PFKFB3: variants seen among roughly 807,000 people sequenced by gnomAD.
The protein encoded by PFKFB3 is 6-phosphofructo-2-kinase/fructose-2,6-biphosphatase 3.
PFKFB3 carries 33 observed loss-of-function variants against 68.0 expected under a neutral mutation model. The observed-to-expected ratio is 0.49, with a 90% CI of 0.37 to 0.65. The LOEUF is 0.65. Ranked by LOEUF, PFKFB3 falls within the 30% of genes least tolerant of loss-of-function variation. The probability of loss-of-function intolerance (pLI) is 0.00; values close to 1 mark genes in which losing one functional copy is unlikely to be tolerated. For synonymous variants in PFKFB3, 315 were observed against 288.2 expected, an observed-to-expected ratio of 1.09 and a Z score of -0.94; for missense variants, 586 against 712.2, an observed-to-expected ratio of 0.82 and a Z score of 2.02.
chr10:6,250,032 G>T (rs1489298919), intron 14 of PFKFB3, among the ~76,000 whole-genome samples: 1 of 151,960 alleles, frequency 6.6e-6, no homozygotes, highest in Non-Finnish European at 1.5e-5. Flanking sequence ...ATTCCTAAAG[G>T]CTAAATCTCC....
At chr10:6,322,220 C>A in the PFKFB3 span, among the ~76,000 whole-genome samples, 8 of 152,192 alleles carry the variant, frequency 5.3e-5, no homozygotes, top group African/African-American at 1.4e-4. Flanking sequence ...CCGTCTACCC[C>A]CTTACTACAG....
the PFKFB3 span, among the ~76,000 whole-genome samples, chr10:6,309,330 G>A: frequency 8.6e-3 from 1,313 of 152,250 alleles, 17 homozygotes; most frequent in African/African-American, 0.028. Context: ...TTGGGAGGCC[G>A]AAGTGTGTGG....
At chr10:6,306,026 T>C in the PFKFB3 span, among the ~76,000 whole-genome samples, 2 of 152,290 alleles carry the variant, frequency 1.3e-5, no homozygotes, top group Non-Finnish European at 2.9e-5. Flanking sequence ...TTCTCCTTCC[T>C]CTTTTTTATT....
At chr10:6,199,380 G>GT (rs1348063151), upstream of PFKFB3, among the ~76,000 whole-genome samples, 2 of 152,156 alleles carry the variant, frequency 1.3e-5, no homozygotes, top group Admixed American at 1.3e-4. Context: ...GCACAGAAGT[G>GT]TGGGAACAAA....
At chr10:6,180,214 A>AATGG (rs1554843450) in intron 1 of PFKFB3, among the ~76,000 whole-genome samples, 102,003 of 151,492 alleles carry the variant, frequency 0.67, 35,009 homozygotes, top group African/African-American at 0.8. Context: ...CATTCTTTTT[A>AATGG]ATGGATGGAT....
At chr10:6,150,722 G>C (rs1588378656) in intron 1 of PFKFB3, among the ~76,000 whole-genome samples, 1 of 152,210 alleles carries the variant, frequency 6.6e-6, no homozygotes, top group African/African-American at 2.4e-5. Context: ...CCCAGGCTGT[G>C]CGTGGTGGCT....
chr10:6,234,947 G>C lies in PFKFB3; in HGVS notation c.*2005G>C, dbSNP rs1374992480. The C allele has an allele frequency of 1.3e-5, 2 of 148,644 alleles. No individual in the cohort carries two copies. The highest frequency in any genetic ancestry group is 3.0e-5 in the Non-Finnish European group (2 of 67,424). The allele number at this position is 148,644 out of a possible 1,614,324, so 9.2% of individuals were successfully genotyped here. A position where few individuals can be genotyped will look rare whatever the true frequency, so the allele number is the denominator to read the frequency against. ...TAACATGAATCTGGACAGGGAGGGA[G>C]ATACTATAGAAAGGAGAACACTGCC... On this transcript the variant is annotated 3_prime_UTR_variant, in exon 15 of 15. Coordinates refer to ENST00000379775, the MANE Select transcript of PFKFB3 (RefSeq NM_004566.4).
upstream of PFKFB3, among the ~76,000 whole-genome samples, chr10:6,201,502 G>A (rs1843350991): frequency 6.7e-6 from 1 of 148,804 alleles, no homozygotes; most frequent in Admixed American, 6.7e-5. This position sits in a 1 kb window ranked among gnomAD's most constrained non-coding sequence, Gnocchi z 4.1. Context: ...CACAGGCCAG[G>A]TGGCCGATGT....
At chr10:6,174,629 G>T (rs1179948073) in intron 1 of PFKFB3, among the ~76,000 whole-genome samples, 1 of 152,168 alleles carries the variant, frequency 6.6e-6, no homozygotes, top group Non-Finnish European at 1.5e-5. Flanking sequence ...CCAGTGACTG[G>T]CGCAGGGTGA....
downstream of PFKFB3, among the ~76,000 whole-genome samples, chr10:6,259,357 C>CCCAT (rs768519333): frequency 6.7e-6 from 1 of 150,076 alleles, no homozygotes; most frequent in African/African-American, 2.5e-5. Flanking sequence ...TACCCATCCA[C>CCCAT]CCATCCATCC....
intron 1 of PFKFB3, among the ~76,000 whole-genome samples, chr10:6,150,961 C>T (rs1158740787): frequency 6.6e-6 from 1 of 152,254 alleles, no homozygotes; most frequent in East Asian, 1.9e-4. Context: ...GATCCTGCCA[C>T]TGCACCCTGG....
the PFKFB3 span, among the ~76,000 whole-genome samples, chr10:6,315,855 C>T: frequency 6.6e-6 from 1 of 152,222 alleles, no homozygotes; most frequent in Non-Finnish European, 1.5e-5. Context: ...CTACATAATA[C>T]ATACTGTATT....
intron 14 of PFKFB3, among the ~76,000 whole-genome samples, chr10:6,232,637 C>T (rs79221192): frequency 1.3e-5 from 2 of 152,016 alleles, no homozygotes; most frequent in Admixed American, 6.5e-5. Flanking sequence ...AGGAGCCACA[C>T]GGCCCCCACC....
intron 1 of PFKFB3, among the ~76,000 whole-genome samples, chr10:6,151,254 TG>T (rs1297428101): frequency 3.3e-5 from 5 of 152,052 alleles, no homozygotes; most frequent in African/African-American, 9.7e-5. Context: ...AGGTTCTGGT[TG>T]GGGCAGCCAC....
intron 8 of PFKFB3, among the ~76,000 whole-genome samples, 184 bp downstream of exon 8, chr10:6,221,049 CTG>C (rs34836891): frequency 2.6e-5 from 4 of 151,336 alleles, no homozygotes; most frequent in East Asian, 1.9e-4. Context: ...CTGTATGGCT[CTG>C]TGTGTGTGTG....
chr10:6,305,858 A>T, the PFKFB3 span, among the ~76,000 whole-genome samples: 1 of 152,206 alleles, frequency 6.6e-6, no homozygotes, highest in Non-Finnish European at 1.5e-5. Flanking sequence ...TTTTCAGATC[A>T]CACAGGTAAT....
chr10:6,235,538 G>C (rs557144624), downstream of PFKFB3: 4 of 152,302 alleles, frequency 2.6e-5, no homozygotes, highest in Non-Finnish European at 4.4e-5. Context: ...ATACATGGAC[G>C]AAGTAAACCT....
chr10:6,156,014 G>A (rs1031781994), intron 1 of PFKFB3, among the ~76,000 whole-genome samples: 11 of 151,870 alleles, frequency 7.2e-5, no homozygotes, highest in East Asian at 5.8e-4. Context: ...CCTCACCCCC[G>A]CTGCCATCCT....
At chr10:6,250,068 CACAA>C (rs770899913) in intron 14 of PFKFB3, among the ~76,000 whole-genome samples, 2 of 152,180 alleles carry the variant, frequency 1.3e-5, no homozygotes, top group African/African-American at 2.4e-5. Context: ...TCAACCACCT[CACAA>C]ACAATTATTG....
Sources: gnomAD v4.1 joint callset for allele counts (sites outside exome capture counted in the v4.1 genomes callset) on GRCh38, gnomAD v4.1.1 for gene constraint, Gnocchi (gnomAD v3.1) non-coding constraint, MANE v1.5 for transcripts, NCBI Gene and HGNC (gene_info 2026-07-23, HGNC 2026-07-21) for gene names.